The following MTHFSD variants were observed in gnomAD, a reference collection of about 807,000 sequenced individuals.
The protein encoded by MTHFSD is methenyltetrahydrofolate synthase domain-containing protein.
MTHFSD carries 37 observed loss-of-function variants against 31.1 expected under a neutral mutation model. The ratio of observed to expected loss-of-function variants is 1.19; its 90% confidence interval spans 0.91 to 1.56. MTHFSD has a LOEUF of 1.56. MTHFSD is among the 40% of genes most tolerant of loss of function. MTHFSD has a pLI of 0.00. For missense variants in MTHFSD, 664 were observed against 510.1 expected (o/e 1.30, Z -2.91); for synonymous variants, 221 against 206.9 (o/e 1.07, Z -0.59).
At chr16:86,545,850 C>T (rs1236787520) in intron 5 of MTHFSD, among the ~76,000 whole-genome samples, 1 of 152,232 alleles carries the variant, frequency 6.6e-6, no homozygotes, top group East Asian at 1.9e-4. Flanking sequence ...TCCCCAGCCC[C>T]GATGACACAG....
At position 86,545,281 on chromosome 16, in the gene MTHFSD, G is replaced by C. The variant is rs137946088; in HGVS notation, c.442+1278C>G. 1.1e-3 allele frequency among the ~76,000 whole-genome samples: 165 copies of C among 152,280 alleles called. 1 individual carries two copies. The highest frequency in any genetic ancestry group is 3.8e-3 in the African/African-American group (158 of 41,558). On this transcript the variant is annotated intron_variant, in intron 5 of 7. Transcript: ENST00000360900. ...ACGTCTACACTAGGAACTCCTAATG[G>C]GGCAGCTGGGAAGGAACAGGGAAGA...
rs971585492 is a variant in MTHFSD, at chr16:86,542,908, A to G, written c.443-695T>C. ...TTCTGGCCCCCATGGAGAAGCTACA[A>G]TTCCGCTTATGAGAAGCCTGAGGCA... is the stretch of plus-strand genomic sequence containing the variant. On this transcript the variant is annotated intron_variant, in intron 5 of 7. Transcript: ENST00000360900. This position sits in a 1 kb window ranked among gnomAD's most constrained non-coding sequence, Gnocchi z 4.6. Among the ~76,000 whole-genome samples, 18 of 152,328 alleles carry G rather than the reference A, an allele frequency of 1.2e-4. No homozygotes were observed. Among genetic ancestry groups the G allele is most frequent in the South Asian group, 6.2e-4 (3 of 4,832 alleles).
At chr16:86,541,120 C>G (rs1025057) in intron 7 of MTHFSD, 703,431 of 1,278,006 alleles carry the variant, frequency 0.55, 202,478 homozygotes, top group Non-Finnish European at 0.6. Flanking sequence ...CCAGCAGAGA[C>G]AGCATCATAA....
intron 2 of MTHFSD, among the ~76,000 whole-genome samples, chr16:86,552,625 C>T (rs1231416538): frequency 1.3e-5 from 2 of 152,172 alleles, no homozygotes; most frequent in Non-Finnish European, 2.9e-5. Flanking sequence ...CTGTTTGATT[C>T]GTTTTTTAAA....
chr16:86,542,139 T>A lies in MTHFSD; in HGVS notation c.517A>T (p.Lys173Ter), dbSNP rs1971619495. The A allele has an allele frequency of 1.9e-6, 3 of 1,613,708 alleles. No individual in the cohort carries two copies. In the African/African-American group the frequency reaches 4.0e-5, roughly 22 times the overall value. ...AMMVSMGAVS[K>*]ETPVVTIVHD... is the part of the protein sequence containing the mutation. ...ACGATGGTGACCACCGGCGTCTCCT[T>A]GCTGACGGCGCCCATGGATACCATC... Residue 173 changes from lysine to a stop codon, truncating the protein, a stop_gained, in exon 6 of 8, where the codon AAG (lysine) becomes TAG (stop). Transcript: ENST00000360900. LOFTEE classifies it high-confidence loss of function. The surrounding 1 kb of genome is among the most constrained non-coding windows in gnomAD (Gnocchi z 4.6).
rs555087275 is a variant in MTHFSD, at chr16:86,554,676, C to T, written c.92G>A (p.Arg31Gln). 1.7e-5 allele frequency: 27 copies of T among 1,614,108 alleles called. No individual in the cohort carries two copies. Among genetic ancestry groups the T allele is most frequent in the Non-Finnish European group, 2.1e-5 (25 of 1,180,000 alleles). ...MESQNLADFPRPVHHRIPNFK... is the reference protein window; with the variant it reads ...MESQNLADFPQPVHHRIPNFK... Reference sequence around the variant, plus strand: ...GTTGGGTATCCTGTGATGAACAGGTCGGGGAAAGTCAGCTAAATTTTGTGA... The same window carrying T: ...GTTGGGTATCCTGTGATGAACAGGTTGGGGAAAGTCAGCTAAATTTTGTGA... The change falls in exon 2 of 8, where the codon CGA becomes CAA. Residue 31 changes from arginine (R) to glutamine (Q), a missense_variant. Physicochemically the swap from Arg to Gln is conservative, Grantham distance 43. Transcript: ENST00000360900.
rs781508487 is a variant in MTHFSD at position 86,541,756 on chromosome 16, T to G, written c.622A>C (p.Thr208Pro). ...DITVDYILTPTRVIATGCKRP... is the reference protein window; with the variant it reads ...DITVDYILTPPRVIATGCKRP... ...TTGCAGCCTGTGGCGATGACTCTGG[T>G]TGGAGTGAGGATGTAGTCCACAGTG... The change falls in exon 7 of 8, where the codon ACC (threonine) becomes CCC (proline). Residue 208 changes from threonine (T) to proline (P), a missense_variant. Transcript: ENST00000360900. 2 of 1,614,156 alleles carry G rather than the reference T, an allele frequency of 1.2e-6. No homozygotes were observed. Among genetic ancestry groups the G allele is most frequent in the Non-Finnish European group, 1.7e-6 (2 of 1,180,036 alleles).
At chr16:86,544,352 G>A (rs1437953478) in intron 5 of MTHFSD, among the ~76,000 whole-genome samples, 1 of 152,076 alleles carries the variant, frequency 6.6e-6, no homozygotes, top group Non-Finnish European at 1.5e-5. Context: ...AATATCCAGA[G>A]TCTGTAAGAA....
intron 3 of MTHFSD, 74 bp downstream of exon 3, chr16:86,551,959 C>T (rs1973208649): frequency 1.3e-6 from 2 of 1,596,558 alleles, no homozygotes; most frequent in East Asian, 2.2e-5. Context: ...CAGACGTGTG[C>T]ACTGACCAGC....
At position 86,541,812 on chromosome 16, in the gene MTHFSD, A is replaced by G; in HGVS notation, c.566T>C (p.Ile189Thr). Residue 189 changes from isoleucine (I) to threonine (T), a missense_variant, in exon 7 of 8, where the codon ATC (isoleucine) becomes ACC (threonine). Physicochemically the swap from Ile to Thr is moderately conservative, Grantham distance 89. Transcript: ENST00000360900. ...GTGCTCCTCAACAAGCTCTTCAGGG[A>G]TGTCCACGACCTGGGGGAAGAGAGG... ...TIVHDCQVVD[I>T]PEELVEEHDI... 1 of 1,614,122 alleles carries G rather than the reference A, an allele frequency of 6.2e-7. No individual in the cohort carries two copies. The highest frequency in any genetic ancestry group is 8.5e-7 in the Non-Finnish European group (1 of 1,180,014).
At chr16:86,546,991 G>C (rs373194428) in intron 4 of MTHFSD, among the ~76,000 whole-genome samples, 1 of 152,234 alleles carries the variant, frequency 6.6e-6, no homozygotes, top group East Asian at 1.9e-4. Context: ...ACTGGGTTCA[G>C]AGCCTCTGAG....
intron 7 of MTHFSD, among the ~76,000 whole-genome samples, chr16:86,539,378 C>T (rs893653582): frequency 3.3e-5 from 5 of 152,234 alleles, no homozygotes; most frequent in Admixed American, 6.5e-5. Flanking sequence ...ACATGCATGG[C>T]GTCCAGGAAG....
At chr16:86,541,067 CCACACGAAG>C (rs1351045257) in intron 7 of MTHFSD, 48 of 1,241,056 alleles carry the variant, frequency 3.9e-5, no homozygotes, top group Non-Finnish European at 4.7e-5. Flanking sequence ...GTAGTTTTGT[CCACACGAAG>C]CACAAATGTC....
intron 3 of MTHFSD, 39 bp downstream of exon 3, chr16:86,551,994 G>A: frequency 6.2e-7 from 1 of 1,612,364 alleles, no homozygotes; most frequent in Non-Finnish European, 8.5e-7. Flanking sequence ...GTCCCCCTTG[G>A]CGGCCAGGTC....
intron 7 of MTHFSD, chr16:86,541,346 G>C: frequency 5.3e-6 from 4 of 761,380 alleles, no homozygotes; most frequent in South Asian, 1.8e-5. Context: ...GATAACACCA[G>C]GCAGAGCTTG....
Position 86,532,049 on chromosome 16 carries a change from G to A in MTHFSD, c.1114C>T (p.Leu372=). ...TGCTGCCTGGCCAGCGCCACCCTCA[G>A]GGTGTCGGTGCCCAGGCGCAGGCCC... The part of the protein sequence containing the change: ...LQGLRLGTDT[L]RVALARQQRD... The change falls in exon 8 of 8, where the codon CTG becomes TTG. Residue 372 remains leucine (L), a synonymous_variant. Transcript: ENST00000360900. 6.6e-7 allele frequency: 1 copy of A among 1,505,068 alleles called. No homozygotes were observed. Among genetic ancestry groups the A allele is most frequent in the Non-Finnish European group, 8.8e-7 (1 of 1,130,156 alleles). 93.2% of individuals were successfully genotyped at this position (1,505,068 alleles called of 1,614,324 possible). A position where few individuals can be genotyped will look rare whatever the true frequency, so the allele number is the denominator to read the frequency against.
chr16:86,531,410 G>A lies in MTHFSD; in HGVS notation c.*601C>T, dbSNP rs1969977990. 6.6e-6 allele frequency: 1 copy of A among 152,444 alleles called. No individual in the cohort carries two copies. Among genetic ancestry groups the A allele is most frequent in the Non-Finnish European group, 1.5e-5 (1 of 68,192 alleles). 9.4% of individuals were successfully genotyped at this position (152,444 alleles called of 1,614,324 possible). A position where few individuals can be genotyped will look rare whatever the true frequency, so the allele number is the denominator to read the frequency against. The stretch of plus-strand genomic sequence containing the variant: ...TCCACAGAGGGAGGAGCGGGGCTGG[G>A]GAGGGGAAGAGGGGAGGCTGGCTCC... On this transcript the variant is annotated 3_prime_UTR_variant, in exon 8 of 8. Coordinates refer to ENST00000360900, the MANE Select transcript of MTHFSD (RefSeq NM_001159377.2). This position sits in a 1 kb window ranked among gnomAD's most constrained non-coding sequence, Gnocchi z 5.5.
At chr16:86,540,680 A>C in intron 7 of MTHFSD, 3 of 988,160 alleles carry the variant, frequency 3.0e-6, no homozygotes, top group Non-Finnish European at 3.6e-6. Flanking sequence ...GAAGCTGTGG[A>C]CCAGAGTTCC....
Position 86,555,221 on chromosome 16 carries a change from G to C in MTHFSD, c.-37C>G, listed in dbSNP as rs937704628. On this transcript the variant is annotated 5_prime_UTR_variant, in exon 1 of 8. Transcript: ENST00000360900. ...CGCTGTGCGACGCTTCCCGGCGCAG[G>C]TTCTGGCGCGTAGTGACGTCACCCG... 1.3e-6 allele frequency: 2 copies of C among 1,535,672 alleles called. No individual in the cohort carries two copies. The highest frequency in any genetic ancestry group is 1.7e-6 in the Non-Finnish European group (2 of 1,146,126).
Sources: allele counts gnomAD v4.1 joint callset (sites outside exome capture counted in the v4.1 genomes callset), GRCh38; gene constraint gnomAD v4.1.1; non-coding constraint Gnocchi (gnomAD v3.1); transcripts MANE v1.5; gene names NCBI Gene and HGNC (gene_info 2026-07-23, HGNC 2026-07-21).